The following TOGARAM1 variants were observed in gnomAD, a reference collection of about 807,000 sequenced individuals.
TOGARAM1 encodes the protein TOG array regulator of axonemal microtubules 1.
A neutral mutation model predicts 166.6 loss-of-function variants in TOGARAM1; 100 were observed. The observed-to-expected ratio is 0.60, with a 90% CI of 0.51 to 0.71. TOGARAM1 has a LOEUF of 0.71. Among genes scored for constraint, TOGARAM1 ranks in the 30% least tolerant of loss-of-function variants. The pLI is 0.00. For synonymous variants in TOGARAM1, 758 were observed against 763.8 expected, an observed-to-expected ratio of 0.99 and a Z score of 0.13; for missense variants, 2,029 against 2,102.7, an observed-to-expected ratio of 0.96 and a Z score of 0.69.
At chr14:45,055,587 G>A (rs1022490243) in intron 16 of TOGARAM1, among the ~76,000 whole-genome samples, 6 of 151,852 alleles carry the variant, frequency 4.0e-5, no homozygotes, top group Non-Finnish European at 1.5e-5. Flanking sequence ...GGTGGATCAC[G>A]AGGTCAGGAG....
rs755033454 is a variant in TOGARAM1, at chr14:45,043,783, G to A, written c.3910G>A (p.Val1304Ile). ...GTTGCATGAAACAAATTTTGCAGTTGTTCAAGAGGTAAACTTATTTTTCAG... is the reference window on the plus strand; with the variant it reads ...GTTGCATGAAACAAATTTTGCAGTTATTCAAGAGGTAAACTTATTTTTCAG... ...TKLHETNFAVVQEVKNLRSGV... is the reference protein window; with the variant it reads ...TKLHETNFAVIQEVKNLRSGV... The change falls in exon 12 of 20, where the codon GTT becomes ATT. Residue 1304 changes from valine to isoleucine, a missense_variant. Physicochemically the swap from Val to Ile is conservative, Grantham distance 29 (BLOSUM62 3). Around this residue, in one of 2 missense-constraint regions of TOGARAM1, gnomAD observed 576 missense variants for 670.5 expected, o/e 0.86. Coordinates refer to ENST00000361462, the MANE Select transcript of TOGARAM1 (RefSeq NM_001308120.2). 2 of 1,584,928 alleles carry A rather than the reference G, an allele frequency of 1.3e-6. No individual in the cohort carries two copies. The highest frequency in any genetic ancestry group is 2.2e-5 in the East Asian group (1 of 44,676).
intron 1 of TOGARAM1, among the ~76,000 whole-genome samples, chr14:44,970,815 C>T (rs1456696951): frequency 6.6e-6 from 1 of 152,042 alleles, no homozygotes; most frequent in Non-Finnish European, 1.5e-5. Flanking sequence ...TCTTCTTAAA[C>T]CTGATGATGT....
In TOGARAM1 at chr14:45,012,054, G is replaced by A. The variant is rs1246009795; in HGVS notation, c.3217G>A (p.Ala1073Thr). 5.0e-6 allele frequency: 8 copies of A among 1,608,332 alleles called. No individual in the cohort carries two copies. Among genetic ancestry groups the A allele is most frequent in the Non-Finnish European group, 5.9e-6 (7 of 1,177,384 alleles). ...SSAKKKISHI[A>T]EQSPSAGSSS... ...TGCAAAGAAAAAAATTTCTCATATT[G>A]CTGAACAAAGCCCCAGTGCAGGTAT... is the stretch of plus-strand genomic sequence containing the variant. The change falls in exon 7 of 20, where the codon GCT (alanine) becomes ACT (threonine). Residue 1073 changes from alanine to threonine, a missense_variant. This residue lies in a region of TOGARAM1 where 1,453 missense variants were observed against 1,432.2 expected (regional missense o/e 1.01). Coordinates refer to ENST00000361462, the MANE Select transcript of TOGARAM1 (RefSeq NM_001308120.2).
chr14:45,071,284 AG>A (rs1262189161), intron 18 of TOGARAM1, among the ~76,000 whole-genome samples: 2 of 67,220 alleles, frequency 3.0e-5, no homozygotes, highest in Middle Eastern at 7.7e-3. Flanking sequence ...AGATTCAGGC[AG>A]TTTTTTTTTT....
intron 12 of TOGARAM1, among the ~76,000 whole-genome samples, 184 bp downstream of exon 12, chr14:45,043,975 T>G (rs1881853796): frequency 6.6e-6 from 1 of 152,194 alleles, no homozygotes; most frequent in African/African-American, 2.4e-5. Context: ...ATGTTGATTC[T>G]TAGGACAAAA....
chr14:45,008,404 G>A (rs550761467), intron 5 of TOGARAM1, among the ~76,000 whole-genome samples: 2 of 151,912 alleles, frequency 1.3e-5, no homozygotes, highest in African/African-American at 4.8e-5. Context: ...ATGCCCAGCT[G>A]CATTTCTAAA....
chr14:45,018,981 A>G (rs1566638473), intron 7 of TOGARAM1, among the ~76,000 whole-genome samples: 1 of 152,246 alleles, frequency 6.6e-6, no homozygotes, highest in East Asian at 1.9e-4. Flanking sequence ...ATTCTACTCC[A>G]TAAAATTACA....
intron 11 of TOGARAM1, among the ~76,000 whole-genome samples, chr14:45,039,241 G>T (rs1175130365): frequency 6.6e-6 from 1 of 152,182 alleles, no homozygotes; most frequent in Non-Finnish European, 1.5e-5. Context: ...CCATCTTCCA[G>T]ACTCTGGCTG....
intron 7 of TOGARAM1, among the ~76,000 whole-genome samples, chr14:45,017,281 T>C (rs1247343858): frequency 1.3e-5 from 2 of 152,122 alleles, no homozygotes; most frequent in Non-Finnish European, 2.9e-5. Flanking sequence ...AACTCAAGGC[T>C]TTGTATATGA....
intron 4 of TOGARAM1, 141 bp downstream of exon 4, chr14:45,004,507 A>T (rs890002959): frequency 5.2e-5 from 34 of 647,684 alleles, no homozygotes; most frequent in Non-Finnish European, 7.8e-5. Context: ...AAAATATTTA[A>T]TAGTGTGTTA....
intron 1 of TOGARAM1, among the ~76,000 whole-genome samples, chr14:44,977,698 G>T (rs983953357): frequency 1.3e-5 from 2 of 151,810 alleles, no homozygotes; most frequent in African/African-American, 2.4e-5. Flanking sequence ...GAGTGCAGTC[G>T]TATGAGCTGC....
chr14:44,964,701 A>C (rs1028434258), intron 1 of TOGARAM1, among the ~76,000 whole-genome samples: 1 of 152,134 alleles, frequency 6.6e-6, no homozygotes, highest in African/African-American at 2.4e-5. Flanking sequence ...TGATATAGAC[A>C]ATACCAAGAT....
At chr14:45,003,318 TA>T (rs78527841) in intron 3 of TOGARAM1, among the ~76,000 whole-genome samples, 16,955 of 152,008 alleles carry the variant, frequency 0.11, 1,364 homozygotes, top group African/African-American at 0.23. Flanking sequence ...AAGGAAAACT[TA>T]AGGGAACCCC....
intron 14 of TOGARAM1, among the ~76,000 whole-genome samples, chr14:45,049,253 A>T (rs1046033478): frequency 6.6e-6 from 1 of 150,560 alleles, no homozygotes; most frequent in African/African-American, 2.4e-5. Flanking sequence ...TGTACCAGTC[A>T]CAGAAAGCGC....
At chr14:44,984,180 C>T (rs868759586) in intron 1 of TOGARAM1, among the ~76,000 whole-genome samples, 2 of 151,854 alleles carry the variant, frequency 1.3e-5, no homozygotes, top group African/African-American at 4.8e-5. Flanking sequence ...TTAAGAGTAA[C>T]AGTATTTAAA....
chr14:44,986,579 G>A (rs1886807716), intron 1 of TOGARAM1, among the ~76,000 whole-genome samples: 1 of 152,072 alleles, frequency 6.6e-6, no homozygotes, highest in Non-Finnish European at 1.5e-5. Context: ...TTACAGGCAT[G>A]AGCCACCACT....
intron 16 of TOGARAM1, among the ~76,000 whole-genome samples, chr14:45,055,995 T>C (rs1219954498): frequency 1.3e-5 from 2 of 152,008 alleles, no homozygotes. Context: ...TTAATTATTC[T>C]GATCCATGAA....
intron 1 of TOGARAM1, among the ~76,000 whole-genome samples, chr14:44,976,191 G>A (rs1190359955): frequency 6.6e-6 from 1 of 152,090 alleles, no homozygotes; most frequent in Non-Finnish European, 1.5e-5. Context: ...ACAGAATTCA[G>A]TAATAGCCCC....
chr14:45,019,682 C>T (rs1185567943), intron 7 of TOGARAM1, among the ~76,000 whole-genome samples: 1 of 152,154 alleles, frequency 6.6e-6, no homozygotes, highest in Non-Finnish European at 1.5e-5. Flanking sequence ...AGTGAGCTCT[C>T]TTTACTACCT....
Sources: gnomAD v4.1 joint callset for allele counts (sites outside exome capture counted in the v4.1 genomes callset) on GRCh38, gnomAD v4.1.1 for gene constraint, gnomAD v4.1.1 regional missense constraint, MANE v1.5 for transcripts, NCBI Gene and HGNC (gene_info 2026-07-23, HGNC 2026-07-21) for gene names.